The following OR6K3 variants were observed in gnomAD, a reference collection of about 807,000 sequenced individuals.
OR6K3 encodes the protein olfactory receptor 6K3.
For synonymous variants in OR6K3, 169 were observed against 137.7 expected (o/e 1.23, Z -1.59); for missense variants, 396 against 382.5 (o/e 1.04, Z -0.29).
At chr1:158,724,670 G>A (rs543881386), upstream of OR6K3, 22 of 227,680 alleles carry the variant, frequency 9.7e-5, no homozygotes, top group South Asian at 4.8e-4. Flanking sequence ...GTTGGGTAGC[G>A]GAGAGGGTTA....
At chr1:158,718,883 G>T (rs75668897) in intron 1 of OR6K3, among the ~76,000 whole-genome samples, 1,691 of 152,130 alleles carry the variant, frequency 0.011, 34 homozygotes, top group African/African-American at 0.039. Flanking sequence ...AATACTTGCA[G>T]AAAGATTTGG....
At chr1:158,725,117 T>C (rs1384654272), upstream of OR6K3, 2 of 152,496 alleles carry the variant, frequency 1.3e-5, no homozygotes, top group East Asian at 3.9e-4. Flanking sequence ...GCTCATTTCC[T>C]AGAAGAAATT....
At chr1:158,724,626 A>G, upstream of OR6K3, 1 of 241,444 alleles carries the variant, frequency 4.1e-6, no homozygotes, top group Non-Finnish European at 9.1e-6. Context: ...AGGACCCCAC[A>G]GAGAGCTGAA....
chr1:158,724,484 A>G, upstream of OR6K3: 1 of 235,532 alleles, frequency 4.2e-6, no homozygotes, highest in South Asian at 8.0e-5. Context: ...AGAATCATGG[A>G]CGTGTCTGTA....
chr1:158,723,220 C>CCTAT (rs1553243378), upstream of OR6K3, among the ~76,000 whole-genome samples: 41 of 88,702 alleles, frequency 4.6e-4, no homozygotes, highest in South Asian at 2.4e-3. Flanking sequence ...ATTTCTATTA[C>CCTAT]CTATCTGTCT....
intron 1 of OR6K3, among the ~76,000 whole-genome samples, chr1:158,718,418 T>C (rs1193193089): frequency 1.3e-5 from 2 of 151,292 alleles, no homozygotes; most frequent in Admixed American, 1.3e-4. Flanking sequence ...TAGCTGTACA[T>C]CTTATTTATT....
chr1:158,720,924 C>T (rs942590073), upstream of OR6K3, among the ~76,000 whole-genome samples: 3 of 151,882 alleles, frequency 2.0e-5, no homozygotes, highest in Non-Finnish European at 2.9e-5. Flanking sequence ...ATTTTCAGAT[C>T]GAAGTTGTCA....
chr1:158,721,315 T>C (rs1007616950), upstream of OR6K3, among the ~76,000 whole-genome samples: 16 of 152,050 alleles, frequency 1.1e-4, no homozygotes, highest in South Asian at 1.2e-3. Context: ...GACTTCTTTA[T>C]TGAAGATCAA....
rs1478501007 is a variant in OR6K3, at chr1:158,717,941, T to C, written c.175A>G (p.Met59Val). 1 of 1,613,476 alleles carries C rather than the reference T, an allele frequency of 6.2e-7. No homozygotes were observed. The highest frequency in any genetic ancestry group is 1.3e-5 in the African/African-American group (1 of 74,826). The change falls in exon 2 of 2, where the codon ATG (methionine) becomes GTG (valine). Residue 59 changes from methionine (M) to valine (V), a missense_variant. By Grantham distance (21) the Met-to-Val change is conservative. Coordinates refer to ENST00000368145, the MANE Select transcript of OR6K3 (RefSeq NM_001005327.3). ...GAAAATATACTGATAAAATTATACA[T>C]GGGGTTGTGGAGATGGGTGTCCAGC... ...VRLDTHLHNP[M>V]YNFISIFSFL...
At chr1:158,719,314 CT>C (rs2101986168) in intron 1 of OR6K3, among the ~76,000 whole-genome samples, 1 of 152,078 alleles carries the variant, frequency 6.6e-6, no homozygotes, top group South Asian at 2.1e-4. Context: ...CCACTTCAAC[CT>C]CTTATAGTTT....
chr1:158,721,942 G>A (rs1343277429), upstream of OR6K3, among the ~76,000 whole-genome samples: 1 of 151,242 alleles, frequency 6.6e-6, no homozygotes, highest in African/African-American at 2.4e-5. Flanking sequence ...CTTTTTTTCT[G>A]ATATCTTCAC....
upstream of OR6K3, among the ~76,000 whole-genome samples, chr1:158,723,897 A>T (rs1656331131): frequency 6.6e-6 from 1 of 152,080 alleles, no homozygotes; most frequent in African/African-American, 2.4e-5. Flanking sequence ...CTTAAACATC[A>T]TATTTCCTTT....
intron 1 of OR6K3, among the ~76,000 whole-genome samples, chr1:158,719,601 C>A (rs1656244863): frequency 6.6e-6 from 1 of 151,924 alleles, no homozygotes; most frequent in Non-Finnish European, 1.5e-5. Context: ...TCTCCTCACA[C>A]AAAAGCAATA....
upstream of OR6K3, among the ~76,000 whole-genome samples, chr1:158,721,007 G>A (rs549353609): frequency 5.2e-4 from 79 of 152,088 alleles, no homozygotes; most frequent in African/African-American, 1.8e-3. Flanking sequence ...GCACTTTCAT[G>A]ATTGTCTCAG....
chr1:158,723,649 A>C (rs1022439284), upstream of OR6K3, among the ~76,000 whole-genome samples: 1 of 152,012 alleles, frequency 6.6e-6, no homozygotes, highest in Non-Finnish European at 1.5e-5. Context: ...ATACCAATAG[A>C]TGATAAAACT....
At chr1:158,719,591 T>A (rs1028355644) in intron 1 of OR6K3, among the ~76,000 whole-genome samples, 2 of 151,810 alleles carry the variant, frequency 1.3e-5, no homozygotes, top group Non-Finnish European at 2.9e-5. Flanking sequence ...CTCTGCCCCC[T>A]CTCCTCACAC....
At position 158,718,205 on chromosome 1, in the gene OR6K3, A is replaced by T. The variant is rs745713471; in HGVS notation, c.-17-73T>A. On this transcript the variant is annotated intron_variant, in intron 1 of 1. Transcript: ENST00000368145. ...AAATAAATAAGATGTACAGCTAAAC[A>T]TCTTTGAGAAGTAAGAAGAACTACC... is the stretch of plus-strand genomic sequence containing the variant. 5 of 793,422 alleles carry T rather than the reference A, an allele frequency of 6.3e-6. 1 individual carries two copies. The highest frequency in any genetic ancestry group is 1.0e-5 in the Non-Finnish European group (5 of 487,924). The allele number at this position is 793,422 out of a possible 1,614,324, so 49.1% of individuals were successfully genotyped here. A position where few individuals can be genotyped will look rare whatever the true frequency, so the allele number is the denominator to read the frequency against.
intron 1 of OR6K3, among the ~76,000 whole-genome samples, chr1:158,719,532 T>C (rs1179580019): frequency 6.6e-6 from 1 of 152,002 alleles, no homozygotes; most frequent in Admixed American, 6.6e-5. Flanking sequence ...CACAGTTCTC[T>C]CCTGTTTGTG....
rs368139117 is a variant in OR6K3, at chr1:158,720,104, C to A, written c.-18+579G>T. Among the ~76,000 whole-genome samples, 6 of 152,100 alleles carry A rather than the reference C, an allele frequency of 3.9e-5. No homozygotes were observed. In the East Asian group the frequency reaches 7.8e-4, roughly 20 times the overall value. On this transcript the variant is annotated intron_variant, in intron 1 of 1. Transcript: ENST00000368145. ...CAATACATGTAAATGTATTTTAAAA[C>A]CTTAGTGTTAGGAATATAGGAAACA...
Sources: gnomAD v4.1 joint callset for allele counts (sites outside exome capture counted in the v4.1 genomes callset) on GRCh38, gnomAD v4.1.1 for gene constraint, MANE v1.5 for transcripts, NCBI Gene and HGNC (gene_info 2026-07-23, HGNC 2026-07-21) for gene names.